BABAM2: variants seen among roughly 807,000 people sequenced by gnomAD.
The protein encoded by BABAM2 is BRISC and BRCA1 A complex member 2, also known as BRISC and BRCA1-A complex member 2.
BABAM2 carries 31 observed loss-of-function variants against 54.7 expected under a neutral mutation model. The ratio of observed to expected loss-of-function variants is 0.57; its 90% CI spans 0.43 to 0.77. The LOEUF (loss-of-function observed/expected upper bound fraction) is 0.77. Among genes scored for constraint, BABAM2 ranks in the 30% least tolerant of loss-of-function variants. The pLI is 0.00. For synonymous variants in BABAM2, 167 were observed against 162.9 expected (o/e 1.03, Z -0.19); for missense variants, 364 against 455.8 (o/e 0.80, Z 1.83).
chr2:28,066,672 G>A (rs1398944133), intron 6 of BABAM2, among the ~76,000 whole-genome samples: 1 of 152,162 alleles, frequency 6.6e-6, no homozygotes, highest in African/African-American at 2.4e-5. Context: ...TATTAGGAAG[G>A]CTTGATGCCT....
At chr2:28,129,824 T>C (rs1228377431) in intron 7 of BABAM2, among the ~76,000 whole-genome samples, 1 of 152,256 alleles carries the variant, frequency 6.6e-6, no homozygotes, top group Non-Finnish European at 1.5e-5. Flanking sequence ...AAAGCTAATA[T>C]TAAAAGTAGA....
intron 7 of BABAM2, among the ~76,000 whole-genome samples, chr2:28,137,152 C>A (rs1446459260): frequency 6.6e-6 from 1 of 151,794 alleles, no homozygotes; most frequent in African/African-American, 2.4e-5. Context: ...AAAAAAGAGA[C>A]CTTCCAGATC....
At chr2:27,922,299 A>T (rs72810584) in intron 2 of BABAM2, among the ~76,000 whole-genome samples, 2 of 152,160 alleles carry the variant, frequency 1.3e-5, no homozygotes, top group African/African-American at 4.8e-5. Context: ...AGCGCTTGAC[A>T]CTAGAATCTT....
chr2:27,896,054 T>C (rs1441937636), intron 2 of BABAM2: 1 of 151,272 alleles, frequency 6.6e-6, no homozygotes, highest in Non-Finnish European at 1.5e-5. Flanking sequence ...AAATGTTGCC[T>C]TTTTTTTTAA....
intron 3 of BABAM2, among the ~76,000 whole-genome samples, chr2:27,966,413 G>A (rs1902966): frequency 0.65 from 99,368 of 151,988 alleles, 34,163 homozygotes; most frequent in Middle Eastern, 0.8. Flanking sequence ...ATTAACTCCT[G>A]GGTTTAAAAT....
intron 10 of BABAM2, among the ~76,000 whole-genome samples, chr2:28,281,395 T>G (rs2148194206): frequency 6.6e-6 from 1 of 152,290 alleles, no homozygotes; most frequent in Non-Finnish European, 1.5e-5. Context: ...ATGAAATAGG[T>G]CAATACTTTA....
intron 8 of BABAM2, among the ~76,000 whole-genome samples, chr2:28,239,608 A>T (rs1205995122): frequency 6.6e-6 from 1 of 152,242 alleles, no homozygotes; most frequent in African/African-American, 2.4e-5. Flanking sequence ...TCAGAATTTT[A>T]AAATGAGAGA....
At chr2:27,985,705 T>C (rs1672349388) in intron 3 of BABAM2, among the ~76,000 whole-genome samples, 1 of 152,202 alleles carries the variant, frequency 6.6e-6, no homozygotes, top group Admixed American at 6.6e-5. Flanking sequence ...ATCAATTATA[T>C]GTACTCACCT....
At chr2:28,044,684 T>G (rs528180234) in intron 5 of BABAM2, among the ~76,000 whole-genome samples, 1 of 152,210 alleles carries the variant, frequency 6.6e-6, no homozygotes, top group Non-Finnish European at 1.5e-5. Context: ...TTTTAAGATG[T>G]GTTTAGGGGA....
chr2:27,895,768 C>G (rs1199025849), intron 2 of BABAM2, among the ~76,000 whole-genome samples: 6 of 152,080 alleles, frequency 3.9e-5, no homozygotes, highest in African/African-American at 1.4e-4. Flanking sequence ...TCTAAGTGTG[C>G]TTTTTCTCTT....
At chr2:28,112,109 CTTT>C (rs1668090891) in intron 6 of BABAM2, among the ~76,000 whole-genome samples, 1 of 9,712 alleles carries the variant, frequency 1.0e-4, no homozygotes, top group Non-Finnish European at 2.0e-4. Context: ...TTCTTTCTTT[CTTT>C]CTTTCTTTCT....
At chr2:27,890,261 C>T, upstream of BABAM2, 1 of 1,613,710 alleles carries the variant, frequency 6.2e-7, no homozygotes, top group Non-Finnish European at 8.5e-7. This position sits in a 1 kb window ranked among gnomAD's most constrained non-coding sequence, Gnocchi z 4.8. Flanking sequence ...ACTAACCTGA[C>T]CAGGTCGGTC....
intron 6 of BABAM2, among the ~76,000 whole-genome samples, chr2:28,079,474 A>G (rs1664975597): frequency 6.6e-6 from 1 of 152,226 alleles, no homozygotes; most frequent in Non-Finnish European, 1.5e-5. Flanking sequence ...GAGGTAAAAT[A>G]AAAGCTCTTT....
intron 3 of BABAM2, among the ~76,000 whole-genome samples, chr2:27,969,827 C>T (rs1408588599): frequency 5.9e-5 from 9 of 152,080 alleles, no homozygotes; most frequent in African/African-American, 1.2e-4. Flanking sequence ...CTTAATATAC[C>T]GCAGTTGATA....
chr2:28,160,089 C>T (rs1672920581), intron 7 of BABAM2, among the ~76,000 whole-genome samples: 1 of 152,124 alleles, frequency 6.6e-6, no homozygotes, highest in African/African-American at 2.4e-5. Flanking sequence ...TCAAGTGATC[C>T]TCCTCCATGA....
chr2:27,929,271 C>G (rs1049085667), intron 2 of BABAM2, among the ~76,000 whole-genome samples: 7 of 152,054 alleles, frequency 4.6e-5, no homozygotes, highest in African/African-American at 1.4e-4. Flanking sequence ...AACTACCCCC[C>G]ACCTTTTAAA....
chr2:27,904,160 A>G (rs982202480), intron 2 of BABAM2, among the ~76,000 whole-genome samples: 3 of 152,200 alleles, frequency 2.0e-5, no homozygotes, highest in African/African-American at 7.2e-5. Flanking sequence ...CAATCTCAGA[A>G]CAGCATGCAA....
At chr2:28,108,087 G>A (rs933680043) in intron 6 of BABAM2, among the ~76,000 whole-genome samples, 1 of 151,800 alleles carries the variant, frequency 6.6e-6, no homozygotes, top group Non-Finnish European at 1.5e-5. Flanking sequence ...ACATAGTTTT[G>A]TTTGTTTTTA....
At chr2:28,241,424 G>A (rs761768530) in intron 9 of BABAM2, 31 bp downstream of exon 9, 16 of 1,598,092 alleles carry the variant, frequency 1.0e-5, no homozygotes, top group South Asian at 4.4e-5. Flanking sequence ...ACGATATACC[G>A]GTGATGCCCT....
Sources: allele counts gnomAD v4.1 joint callset (sites outside exome capture counted in the v4.1 genomes callset), GRCh38; gene constraint gnomAD v4.1.1; non-coding constraint Gnocchi (gnomAD v3.1); transcripts MANE v1.5; gene names NCBI Gene and HGNC (gene_info 2026-07-23, HGNC 2026-07-21).